Variants in RYR2 observed in about 807,000 individuals in gnomAD.
RYR2 encodes the protein ryanodine receptor 2, also known as cardiac muscle ryanodine receptor-calcium release channel.
RYR2 carries 227 observed loss-of-function variants against 601.1 expected under a neutral mutation model. The ratio of observed to expected loss-of-function variants is 0.38; its 90% confidence interval spans 0.34 to 0.42. The LOEUF is 0.42. Ranked by LOEUF, RYR2 falls within the 10% of genes least tolerant of loss-of-function variation. The pLI, the probability that RYR2 is intolerant of heterozygous loss-of-function variation, is 1.00. For missense variants in RYR2, 4,646 were observed against 6,156.5 expected (o/e 0.75, Z 8.21); for synonymous variants, 2,223 against 2,175.1 (o/e 1.02, Z -0.61).
chr1:237,382,914 GT>G (rs10676878), intron 8 of RYR2, among the ~76,000 whole-genome samples: 69 of 139,138 alleles, frequency 5.0e-4, no homozygotes, highest in South Asian at 1.1e-3. Context: ...ATTTGTTTTT[GT>G]TTTTTTTTTT....
At chr1:237,440,620 T>C (rs1707817930) in intron 12 of RYR2, among the ~76,000 whole-genome samples, 2 of 152,192 alleles carry the variant, frequency 1.3e-5, no homozygotes, top group African/African-American at 4.8e-5. Flanking sequence ...GGCATAGTAG[T>C]CCTTTAAGAG....
chr1:237,787,925 C>T, intron 91 of RYR2, 63 bp from the exon 92 acceptor site: 1 of 1,478,582 alleles, frequency 6.8e-7, no homozygotes, highest in Non-Finnish European at 9.1e-7. Flanking sequence ...GGTAATTTTC[C>T]ACAACACCCG....
intron 102 of RYR2, chr1:237,830,231 A>G: frequency 3.5e-6 from 1 of 289,532 alleles, no homozygotes; most frequent in South Asian, 4.0e-5. Flanking sequence ...AAGCCTGGAC[A>G]TTTTCACCTA....
At chr1:237,815,252 CATT>C (rs1266496134) in intron 100 of RYR2, among the ~76,000 whole-genome samples, 1 of 152,146 alleles carries the variant, frequency 6.6e-6, no homozygotes, top group Admixed American at 6.5e-5. Context: ...CTCCAGCTCT[CATT>C]ATCAGGTTTA....
rs1262089571 is a variant in RYR2 at position 237,702,016 on chromosome 1, A to G, written c.9406A>G (p.Ser3136Gly). Residue 3136 changes from serine to glycine, a missense_variant, in exon 66 of 105, where the codon AGC becomes GGC. Ser to Gly is a moderately conservative substitution (Grantham distance 56). This residue lies in a region of RYR2 where 1,497 missense variants were observed against 1,842.6 expected (regional missense o/e 0.81). Transcript: ENST00000366574. ...GGTGTCTTGTTATAGAATTCTGACT[A>G]GCTTATATGCTTTGGGAACCAGCAA... ...VQVSCYRILT[S>G]LYALGTSKSI... The G allele has an allele frequency of 4.4e-6, 7 of 1,608,794 alleles. No homozygotes were observed. The highest frequency in any genetic ancestry group is 1.3e-5 in the African/African-American group (1 of 74,972).
At chr1:237,469,672 T>G (rs1199467574) in intron 17 of RYR2, among the ~76,000 whole-genome samples, 1 of 152,166 alleles carries the variant, frequency 6.6e-6, no homozygotes, top group Non-Finnish European at 1.5e-5. Context: ...ATTCTATAAA[T>G]AAGAAGATCA....
At chr1:237,193,377 G>A (rs900719389) in intron 1 of RYR2, among the ~76,000 whole-genome samples, 1 of 152,128 alleles carries the variant, frequency 6.6e-6, no homozygotes, top group African/African-American at 2.4e-5. Flanking sequence ...TGAGGCAGGC[G>A]TGAACCCGGG....
At chr1:237,693,187 C>G (rs1295512316) in intron 63 of RYR2, among the ~76,000 whole-genome samples, 1 of 151,418 alleles carries the variant, frequency 6.6e-6, no homozygotes, top group Non-Finnish European at 1.5e-5. Flanking sequence ...ACCTAATTAT[C>G]CTACAATTGG....
chr1:237,245,949 T>G (rs530572545), intron 1 of RYR2, among the ~76,000 whole-genome samples: 1 of 151,870 alleles, frequency 6.6e-6, no homozygotes, highest in South Asian at 2.1e-4. Flanking sequence ...ACCCAACTAA[T>G]TTTTGTATTT....
chr1:237,831,374 A>G, intron 103 of RYR2, 140 bp from the exon 104 acceptor site: 1 of 578,766 alleles, frequency 1.7e-6, no homozygotes, highest in Non-Finnish European at 3.0e-6. Flanking sequence ...CTGGTACACT[A>G]ATTTTTCCAA....
chr1:237,702,002 A>G lies in RYR2; in HGVS notation c.9392A>G (p.Tyr3131Cys), dbSNP rs1342384519. Reference sequence around the variant, plus strand: ...GTGGAAGATGTCCAGGTGTCTTGTTATAGAATTCTGACTAGCTTATATGCT... The same window carrying G: ...GTGGAAGATGTCCAGGTGTCTTGTTGTAGAATTCTGACTAGCTTATATGCT... ...LILEDVQVSC[Y>C]RILTSLYALG... is the part of the protein sequence containing the mutation. The change falls in exon 66 of 105, where the codon TAT becomes TGT. Residue 3131 changes from tyrosine to cysteine, a missense_variant. Transcript: ENST00000366574. The G allele has an allele frequency of 1.2e-6, 2 of 1,606,522 alleles. No homozygotes were observed. Among genetic ancestry groups the G allele is most frequent in the Non-Finnish European group, 1.7e-6 (2 of 1,173,418 alleles).
chr1:237,830,763 A>G (rs1391453437), intron 103 of RYR2, 133 bp downstream of exon 103: 1 of 548,102 alleles, frequency 1.8e-6, no homozygotes, highest in Admixed American at 3.3e-5. Flanking sequence ...AAGAAAGTCC[A>G]ACAGCTAATG....
chr1:237,757,051 A>C (rs1297892720), intron 81 of RYR2, among the ~76,000 whole-genome samples: 1 of 152,214 alleles, frequency 6.6e-6, no homozygotes, highest in African/African-American at 2.4e-5. Context: ...TTTAAATATA[A>C]TTTGTAATGG....
chr1:237,568,309 CTCTG>C (rs879505839), intron 28 of RYR2, among the ~76,000 whole-genome samples: 30 of 152,246 alleles, frequency 2.0e-4, no homozygotes, highest in Admixed American at 4.6e-4. Context: ...GCATTGGCGA[CTCTG>C]TCTGGTAACG....
At chr1:237,572,540 T>G (rs992542252) in intron 29 of RYR2, among the ~76,000 whole-genome samples, 6 of 152,230 alleles carry the variant, frequency 3.9e-5, no homozygotes, top group Non-Finnish European at 8.8e-5. Flanking sequence ...TTTGACTTTG[T>G]ATTTCATAGA....
intron 1 of RYR2, among the ~76,000 whole-genome samples, chr1:237,081,280 TAAAAAAA>T (rs397815900): frequency 1.1e-4 from 6 of 56,262 alleles, no homozygotes; most frequent in South Asian, 9.0e-4. Context: ...TAGAGTATAA[TAAAAAAA>T]AAAAAAAAAA....
intron 29 of RYR2, among the ~76,000 whole-genome samples, chr1:237,584,567 C>T (rs928715393): frequency 6.6e-6 from 1 of 151,312 alleles, no homozygotes; most frequent in African/African-American, 2.4e-5. Context: ...AATGGAGACA[C>T]CTGATACTCT....
chr1:237,831,616 T>C, intron 104 of RYR2, 51 bp downstream of exon 104: 1 of 1,073,982 alleles, frequency 9.3e-7, no homozygotes, highest in Non-Finnish European at 1.4e-6. Flanking sequence ...AGAGAAGCTC[T>C]AAATATCAGA....
chr1:237,477,990 C>T (rs1369716444), intron 17 of RYR2, among the ~76,000 whole-genome samples: 3 of 152,118 alleles, frequency 2.0e-5, no homozygotes, highest in African/African-American at 7.2e-5. Context: ...TGCTTTGGCA[C>T]CCATGAAAGG....
Sources: gnomAD v4.1 joint callset for allele counts (sites outside exome capture counted in the v4.1 genomes callset) on GRCh38, gnomAD v4.1.1 for gene constraint, gnomAD v4.1.1 regional missense constraint, MANE v1.5 for transcripts, NCBI Gene and HGNC (gene_info 2026-07-23, HGNC 2026-07-21) for gene names.